Variants in TMEM132C observed in about 807,000 individuals in gnomAD.
TMEM132C encodes the protein transmembrane protein 132C, also known as protein phosphatase 1, regulatory subunit 152.
TMEM132C carries 29 observed loss-of-function variants against 61.4 expected under a neutral mutation model. The observed-to-expected ratio is 0.47, with a 90% confidence interval of 0.35 to 0.64. The LOEUF is 0.64. Ranked by LOEUF, TMEM132C falls within the 30% of genes least tolerant of loss-of-function variation. The pLI, the probability that TMEM132C is intolerant of heterozygous loss-of-function variation, is 0.00. For synonymous variants in TMEM132C, 656 were observed against 633.1 expected, an observed-to-expected ratio of 1.04 and a Z score of -0.54; for missense variants, 1,408 against 1,476.9, an observed-to-expected ratio of 0.95 and a Z score of 0.76.
chr12:128,419,451 C>T lies in TMEM132C; in HGVS notation c.974+3831C>T, dbSNP rs1450428805. Among the ~76,000 whole-genome samples the T allele has an allele frequency of 5.3e-5, 8 of 152,274 alleles. No homozygotes were observed. In the East Asian group the frequency reaches 1.5e-3, roughly 29 times the overall value. On this transcript the variant is annotated intron_variant, in intron 2 of 8. Coordinates refer to ENST00000435159, the MANE Select transcript of TMEM132C (RefSeq NM_001136103.3). ...ATGTACAATGCTAGACACTAAGCAC[C>T]ATGGAATTGCACAGTGTACACAGGC...
intron 2 of TMEM132C, among the ~76,000 whole-genome samples, chr12:128,485,872 TTCC>T (rs1280903916): frequency 6.6e-6 from 1 of 152,146 alleles, no homozygotes; most frequent in African/African-American, 2.4e-5. Flanking sequence ...CTTTCCCTTC[TTCC>T]TCCTCCTCCT....
At chr12:128,464,465 G>C (rs1870650963) in intron 2 of TMEM132C, among the ~76,000 whole-genome samples, 1 of 152,134 alleles carries the variant, frequency 6.6e-6, no homozygotes, top group South Asian at 2.1e-4. Flanking sequence ...TTTGAAAATA[G>C]AATGTAGCAT....
chr12:128,280,978 A>C (rs1181688712), intron 1 of TMEM132C, among the ~76,000 whole-genome samples: 1 of 152,226 alleles, frequency 6.6e-6, no homozygotes, highest in Non-Finnish European at 1.5e-5. Context: ...ATTTGAGACC[A>C]GAAAAAGAAC....
At chr12:128,592,525 A>G (rs1438325193) in intron 3 of TMEM132C, among the ~76,000 whole-genome samples, 2 of 152,248 alleles carry the variant, frequency 1.3e-5, no homozygotes, top group Admixed American at 6.5e-5. Flanking sequence ...TGGGACTAAC[A>G]GCAGGAAGTT....
intron 1 of TMEM132C, among the ~76,000 whole-genome samples, chr12:128,283,706 C>G (rs554445270): frequency 2.1e-4 from 32 of 152,314 alleles, no homozygotes; most frequent in African/African-American, 7.2e-4. Context: ...AGATTCTAAT[C>G]CAGCACCACA....
chr12:128,697,517 G>C, intron 8 of TMEM132C, 102 bp downstream of exon 8: 1 of 1,238,300 alleles, frequency 8.1e-7, no homozygotes, highest in Non-Finnish European at 1.1e-6. Context: ...CAGGTTAGCA[G>C]AACCATGTTC....
At chr12:128,508,071 C>T (rs900918994) in intron 2 of TMEM132C, among the ~76,000 whole-genome samples, 1 of 151,980 alleles carries the variant, frequency 6.6e-6, no homozygotes, top group East Asian at 1.9e-4. Flanking sequence ...TGTGTTAGTC[C>T]GTTTTCATGC....
intron 4 of TMEM132C, among the ~76,000 whole-genome samples, chr12:128,622,356 AAAAAATATATATATATATATATAT>A (rs61543800): frequency 0.02 from 1,166 of 59,216 alleles, 92 homozygotes; most frequent in African/African-American, 0.092. Context: ...AAAAAAAAAA[AAAAAATATATATATATATATATAT>A]ATATATATAT....
chr12:128,581,191 G>A (rs1276637056), intron 3 of TMEM132C, among the ~76,000 whole-genome samples: 1 of 152,162 alleles, frequency 6.6e-6, no homozygotes, highest in African/African-American at 2.4e-5. Context: ...ATGCGGATAT[G>A]TGTGGGCTCA....
chr12:128,692,546 G>A (rs1045469565), intron 5 of TMEM132C, among the ~76,000 whole-genome samples: 18 of 152,232 alleles, frequency 1.2e-4, no homozygotes, highest in African/African-American at 3.9e-4. Flanking sequence ...GGCAGAAACA[G>A]AATACCAGTC....
rs146205458 is a variant in TMEM132C at position 128,293,064 on chromosome 12, G to A, written c.85+25577G>A. ...TTGAAAGCCGGACAGCAAGATAATA[G>A]TTCAGCTTTTTGTGAACGGTAAGGA... is the stretch of plus-strand genomic sequence containing the variant. On this transcript the variant is annotated intron_variant, in intron 1 of 8. Coordinates refer to ENST00000435159, the MANE Select transcript of TMEM132C (RefSeq NM_001136103.3). 4.4e-3 allele frequency among the ~76,000 whole-genome samples: 662 copies of A among 152,088 alleles called. 4 individuals are homozygous for A. Among genetic ancestry groups the A allele is most frequent in the Admixed American group, 8.0e-3 (123 of 15,282 alleles).
intron 4 of TMEM132C, among the ~76,000 whole-genome samples, chr12:128,617,198 C>T (rs1876834572): frequency 6.6e-6 from 1 of 152,290 alleles, no homozygotes; most frequent in South Asian, 2.1e-4. Flanking sequence ...GGTCTGCAGA[C>T]CACACTTGGA....
At chr12:128,318,639 G>T (rs1265953003) in intron 1 of TMEM132C, among the ~76,000 whole-genome samples, 1 of 152,138 alleles carries the variant, frequency 6.6e-6, no homozygotes, top group African/African-American at 2.4e-5. Context: ...CCAGCTAATT[G>T]CATGCCATTT....
chr12:128,418,011 C>A (rs74955564), intron 2 of TMEM132C, among the ~76,000 whole-genome samples: 1,926 of 152,194 alleles, frequency 0.013, 45 homozygotes, highest in African/African-American at 0.044. Context: ...AGCGCAGCAG[C>A]CGTATTCCCT....
At chr12:128,441,979 T>C (rs777525863) in intron 2 of TMEM132C, among the ~76,000 whole-genome samples, 18 of 152,110 alleles carry the variant, frequency 1.2e-4, no homozygotes, top group Non-Finnish European at 2.5e-4. Context: ...TCAGCCTGGG[T>C]GACAGAGCAA....
chr12:128,566,524 A>AGG (rs1874710732), intron 3 of TMEM132C, among the ~76,000 whole-genome samples: 1 of 152,192 alleles, frequency 6.6e-6, no homozygotes, highest in African/African-American at 2.4e-5. Context: ...CACACCATAG[A>AGG]GGGAAAGATC....
At chr12:128,606,218 G>A (rs1023445619) in intron 3 of TMEM132C, among the ~76,000 whole-genome samples, 4 of 152,218 alleles carry the variant, frequency 2.6e-5, no homozygotes, top group Admixed American at 2.0e-4. Context: ...TGGTATGTGA[G>A]GCCCATGCAG....
chr12:128,345,675 C>G (rs1873137063), intron 1 of TMEM132C, among the ~76,000 whole-genome samples: 1 of 152,168 alleles, frequency 6.6e-6, no homozygotes, highest in Admixed American at 6.5e-5. Flanking sequence ...TGATGTTGAG[C>G]TTCTTTTCAT....
At position 128,527,061 on chromosome 12, in the gene TMEM132C, C is replaced by T. The variant is rs1028403390; in HGVS notation, c.975-16896C>T. Among the ~76,000 whole-genome samples the T allele has an allele frequency of 1.1e-4, 16 of 152,318 alleles. No individual in the cohort carries two copies. In the South Asian group the frequency reaches 2.7e-3, roughly 26 times the overall value. On this transcript the variant is annotated intron_variant, in intron 2 of 8. Transcript: ENST00000435159. The stretch of plus-strand genomic sequence containing the variant: ...GACTCCCTGGCAAGCTAGGAAGATC[C>T]GTTTCAGCCCGTGCATCCTCATGAA...
Sources: allele counts gnomAD v4.1 joint callset (sites outside exome capture counted in the v4.1 genomes callset), GRCh38; gene constraint gnomAD v4.1.1; transcripts MANE v1.5; gene names NCBI Gene and HGNC (gene_info 2026-07-23, HGNC 2026-07-21).